Variants in RBFOX1 observed in about 807,000 individuals in gnomAD.
RBFOX1 encodes the protein RNA binding fox-1 homolog 1.
Under a neutral mutation model 57.7 loss-of-function variants are expected in RBFOX1, and 8 were observed. That is an observed-to-expected ratio of 0.14 (90% CI 0.08 to 0.25). The LOEUF (loss-of-function observed/expected upper bound fraction) is 0.25. Ranked by LOEUF, RBFOX1 falls within the 10% of genes least tolerant of loss-of-function variation. The pLI is 1.00. For synonymous variants in RBFOX1, 326 were observed against 222.4 expected, an observed-to-expected ratio of 1.47 and a Z score of -4.15; for missense variants, 611 against 548.5, an observed-to-expected ratio of 1.11 and a Z score of -1.14.
chr16:7,189,834 G>A (rs1055640287), intron 4 of RBFOX1, among the ~76,000 whole-genome samples: 2 of 152,164 alleles, frequency 1.3e-5, no homozygotes, highest in African/African-American at 2.4e-5. Context: ...GGAAGAATCT[G>A]TTCACCATTG....
In RBFOX1 at chr16:7,622,687, A is replaced by G. The variant is rs372132422; in HGVS notation, c.677-7916A>G. On this transcript the variant is annotated intron_variant, in intron 10 of 15. Coordinates refer to ENST00000550418, the MANE Select transcript of RBFOX1 (RefSeq NM_018723.4). ...TAAATTGGAGTGAGGGATTATTTAC[A>G]CTATAGACAGATGCGCTTCAGGGCC... Among the ~76,000 whole-genome samples the G allele has an allele frequency of 2.5e-4, 38 of 152,270 alleles. No individual in the cohort carries two copies. In the South Asian group the frequency reaches 2.7e-3, roughly 11 times the overall value.
At chr16:7,449,471 C>T (rs1249056887) in intron 4 of RBFOX1, among the ~76,000 whole-genome samples, 1 of 152,112 alleles carries the variant, frequency 6.6e-6, no homozygotes, top group Non-Finnish European at 1.5e-5. Flanking sequence ...ATCCAGGTTT[C>T]ACTAACGCGC....
At chr16:7,510,535 G>A (rs1443767589) in intron 4 of RBFOX1, among the ~76,000 whole-genome samples, 1 of 150,598 alleles carries the variant, frequency 6.6e-6, no homozygotes, top group Non-Finnish European at 1.5e-5. Flanking sequence ...GCGCGCACGC[G>A]CGCTTTCTGC....
At chr16:6,053,380 T>C (rs2095576625) in intron 1 of RBFOX1, among the ~76,000 whole-genome samples, 1 of 152,116 alleles carries the variant, frequency 6.6e-6, no homozygotes, top group Admixed American at 6.5e-5. Context: ...GAAGAATGGA[T>C]TGTATTGGAC....
intron 4 of RBFOX1, among the ~76,000 whole-genome samples, chr16:7,213,718 C>T (rs1255305135): frequency 1.3e-5 from 2 of 152,126 alleles, no homozygotes; most frequent in Non-Finnish European, 2.9e-5. Context: ...ACCGAGGTTC[C>T]AGAAGGCTAG....
At chr16:5,666,027 A>C (rs2049833490) in intron 3 of RBFOX1, among the ~76,000 whole-genome samples, 1 of 152,254 alleles carries the variant, frequency 6.6e-6, no homozygotes, top group African/African-American at 2.4e-5. Context: ...AACCAGTCAG[A>C]GCCTACAAGA....
chr16:5,639,602 C>T (rs1038885833), intron 3 of RBFOX1, among the ~76,000 whole-genome samples: 4 of 152,182 alleles, frequency 2.6e-5, no homozygotes, highest in African/African-American at 4.8e-5. Flanking sequence ...ATCTCCTGAA[C>T]ATCAAGTGGC....
intron 4 of RBFOX1, among the ~76,000 whole-genome samples, chr16:7,239,286 G>A (rs1338394126): frequency 6.6e-6 from 1 of 152,028 alleles, no homozygotes; most frequent in East Asian, 1.9e-4. Flanking sequence ...ATCATTTGAG[G>A]TCAGGAGTTT....
intron 2 of RBFOX1, among the ~76,000 whole-genome samples, chr16:6,399,124 G>A (rs1567193538): frequency 1.3e-5 from 2 of 152,232 alleles, no homozygotes; most frequent in Non-Finnish European, 2.9e-5. Flanking sequence ...GGCCTGAGCT[G>A]TACCTTGGCC....
intron 4 of RBFOX1, among the ~76,000 whole-genome samples, chr16:7,237,697 C>T (rs2093839695): frequency 1.3e-5 from 2 of 152,194 alleles, no homozygotes; most frequent in African/African-American, 4.8e-5. Flanking sequence ...GAATATTATT[C>T]AGCCTTAGAA....
intron 4 of RBFOX1, among the ~76,000 whole-genome samples, chr16:7,441,460 T>C (rs2098765938): frequency 6.6e-6 from 1 of 152,160 alleles, no homozygotes; most frequent in African/African-American, 2.4e-5. Flanking sequence ...CTCTAGGGAT[T>C]CATGGATGTG....
At chr16:5,920,053 C>T (rs2058787819) in intron 4 of RBFOX1, among the ~76,000 whole-genome samples, 1 of 152,220 alleles carries the variant, frequency 6.6e-6, no homozygotes, top group African/African-American at 2.4e-5. Context: ...CCTGCCTCAG[C>T]CTCCCGAGTA....
At chr16:7,216,978 C>A (rs2092151796) in intron 4 of RBFOX1, among the ~76,000 whole-genome samples, 1 of 147,710 alleles carries the variant, frequency 6.8e-6, no homozygotes, top group African/African-American at 2.5e-5. Flanking sequence ...AAAAGTACAG[C>A]AGGATTTTCC....
chr16:7,430,523 G>T (rs1041850175), intron 4 of RBFOX1, among the ~76,000 whole-genome samples: 1 of 152,054 alleles, frequency 6.6e-6, no homozygotes, highest in African/African-American at 2.4e-5. Context: ...TTAGCCAGCC[G>T]TGGTGGCACG....
chr16:7,519,954 C>G (rs1166507248), intron 5 of RBFOX1, among the ~76,000 whole-genome samples: 1 of 152,110 alleles, frequency 6.6e-6, no homozygotes, highest in Admixed American at 6.5e-5. Context: ...GGCGCGATCT[C>G]GGCTCACTGC....
intron 4 of RBFOX1, among the ~76,000 whole-genome samples, chr16:7,176,614 C>T (rs1284760519): frequency 6.6e-6 from 1 of 152,118 alleles, no homozygotes; most frequent in Non-Finnish European, 1.5e-5. Context: ...TGATTAGTGA[C>T]AGAAACTATA....
At position 6,183,147 on chromosome 16, in the gene RBFOX1, T is replaced by C. The variant is rs549586673; in HGVS notation, c.-126-133848T>C. The stretch of plus-strand genomic sequence containing the variant: ...GTGGCATGTGAGGATACAATGTTTG[T>C]ATTAAAAACAATGTATTAATCGCCA... On this transcript the variant is annotated intron_variant, in intron 1 of 15. Transcript: ENST00000550418. 3.3e-5 allele frequency among the ~76,000 whole-genome samples: 5 copies of C among 152,238 alleles called. No individual in the cohort carries two copies. In the South Asian group the frequency reaches 6.2e-4, roughly 19 times the overall value.
intron 4 of RBFOX1, among the ~76,000 whole-genome samples, chr16:7,090,220 A>C (rs1177170161): frequency 6.6e-6 from 1 of 152,238 alleles, no homozygotes; most frequent in African/African-American, 2.4e-5. Context: ...TGAAGAGACA[A>C]GGAGAGACAA....
chr16:5,933,523 G>T (rs1048666664), intron 4 of RBFOX1, among the ~76,000 whole-genome samples: 40 of 152,196 alleles, frequency 2.6e-4, no homozygotes, highest in African/African-American at 9.6e-4. Flanking sequence ...AAAAACGGAT[G>T]CTCCTGCAGG....
Sources: gnomAD v4.1 joint callset for allele counts (sites outside exome capture counted in the v4.1 genomes callset) on GRCh38, gnomAD v4.1.1 for gene constraint, MANE v1.5 for transcripts, NCBI Gene and HGNC (gene_info 2026-07-23, HGNC 2026-07-21) for gene names.